The following LRP2 variants were observed in gnomAD, a reference collection of about 807,000 sequenced individuals.
LRP2 encodes the protein LDL receptor related protein 2.
A neutral mutation model predicts 531.0 loss-of-function variants in LRP2; 172 were observed. The ratio of observed to expected loss-of-function variants is 0.32; its 90% CI spans 0.29 to 0.37. LRP2 has a LOEUF of 0.37. Among genes scored for constraint, LRP2 ranks in the 10% least tolerant of loss-of-function variants. The probability of loss-of-function intolerance (pLI) is 1.00; values close to 1 mark genes in which losing one functional copy is unlikely to be tolerated. For synonymous variants in LRP2, 1,992 were observed against 2,027.6 expected, an observed-to-expected ratio of 0.98 and a Z score of 0.47; for missense variants, 5,167 against 5,868.3, an observed-to-expected ratio of 0.88 and a Z score of 3.90.
chr2:169,243,631 G>A, intron 22 of LRP2, 109 bp from the exon 23 acceptor site: 1 of 1,328,240 alleles, frequency 7.5e-7, no homozygotes, highest in Non-Finnish European at 1.1e-6. Context: ...ATTGTACATG[G>A]GTTCAAAATT....
At position 169,216,331 on chromosome 2, in the gene LRP2, C is replaced by G; in HGVS notation, c.5748G>C (p.Gly1916=). 6.2e-7 allele frequency: 1 copy of G among 1,613,644 alleles called. No homozygotes were observed. The highest frequency in any genetic ancestry group is 8.5e-7 in the Non-Finnish European group (1 of 1,179,692). The stretch of plus-strand genomic sequence containing the variant: ...TGACACACTCCAGGTGTTCGAGGTT[C>G]CCAGTAAAGAGAGTTTTCACAGATG... ...DGTSVKTLFT[G]NLEHLECVTL... Residue 1916 remains glycine (G), a synonymous_variant, in exon 35 of 79, where the codon GGG becomes GGC. Coordinates refer to ENST00000649046, the MANE Select transcript of LRP2 (RefSeq NM_004525.3).
chr2:169,295,102 CAT>C (rs1684103133), intron 4 of LRP2, among the ~76,000 whole-genome samples: 1 of 152,276 alleles, frequency 6.6e-6, no homozygotes, highest in Non-Finnish European at 1.5e-5. Flanking sequence ...ATACAGATAA[CAT>C]CCCAGGAAAC....
At chr2:169,323,850 G>C (rs984274568) in intron 1 of LRP2, among the ~76,000 whole-genome samples, 1 of 13,346 alleles carries the variant, frequency 7.5e-5, no homozygotes, top group African/African-American at 1.8e-4. Context: ...GGGGCTGCCT[G>C]ATTAAAAAAA....
chr2:169,138,509 G>A (rs1401707862), intron 75 of LRP2, 68 bp downstream of exon 75: 3 of 1,558,718 alleles, frequency 1.9e-6, no homozygotes, highest in Non-Finnish European at 2.6e-6. Flanking sequence ...GGTGAATTTT[G>A]TTCTTTATAA....
At chr2:169,330,593 A>T (rs1478839591) in intron 1 of LRP2, among the ~76,000 whole-genome samples, 1 of 152,210 alleles carries the variant, frequency 6.6e-6, no homozygotes, top group Non-Finnish European at 1.5e-5. Flanking sequence ...TCTTCAGAGG[A>T]CGCTATCGCC....
chr2:169,173,899 G>T lies in LRP2; in HGVS notation c.11014+20C>A, dbSNP rs746976141. The T allele has an allele frequency of 1.9e-6, 3 of 1,613,700 alleles. No individual in the cohort carries two copies. The highest frequency in any genetic ancestry group is 2.5e-6 in the Non-Finnish European group (3 of 1,180,016). ...GTCTCCCTGCTCTGGTCATGCCTTG[G>T]TCCTCCCACAGGAACTTACTGCATT... On this transcript the variant is annotated intron_variant, in intron 56 of 78. Coordinates refer to ENST00000649046, the MANE Select transcript of LRP2 (RefSeq NM_004525.3).
At chr2:169,316,241 G>GT (rs1684760464) in intron 3 of LRP2, among the ~76,000 whole-genome samples, 1 of 152,224 alleles carries the variant, frequency 6.6e-6, no homozygotes, top group Middle Eastern at 3.4e-3. Flanking sequence ...TTAGGCAGGA[G>GT]TTGGTGATTC....
intron 72 of LRP2, 46 bp downstream of exon 72, chr2:169,140,409 C>G (rs939953367): frequency 6.7e-7 from 1 of 1,495,578 alleles, no homozygotes; most frequent in Non-Finnish European, 9.3e-7. Context: ...CAAATTTCCC[C>G]AGAAGAGGCA....
At chr2:169,341,874 T>C (rs1376118991) in intron 1 of LRP2, among the ~76,000 whole-genome samples, 1 of 152,164 alleles carries the variant, frequency 6.6e-6, no homozygotes, top group African/African-American at 2.4e-5. Flanking sequence ...TTATTACCAA[T>C]AGCATCCCTT....
At chr2:169,134,935 G>A (rs186023115) in intron 76 of LRP2, among the ~76,000 whole-genome samples, 29 of 152,272 alleles carry the variant, frequency 1.9e-4, no homozygotes, top group African/African-American at 5.5e-4. Flanking sequence ...AGCAGCTAGC[G>A]TTCCAACTTC....
intron 1 of LRP2, among the ~76,000 whole-genome samples, chr2:169,321,428 A>AGAAAT (rs1408502169): frequency 5.3e-4 from 80 of 151,986 alleles, no homozygotes; most frequent in African/African-American, 1.9e-3. Context: ...AAAAACAAGG[A>AGAAAT]CGTAAATTTT....
At chr2:169,150,860 G>A (rs775461140) in intron 68 of LRP2, 38 bp downstream of exon 68, 1 of 1,612,388 alleles carries the variant, frequency 6.2e-7, no homozygotes, top group Non-Finnish European at 8.5e-7. Context: ...AATCCAGGGA[G>A]AAATATCTAG....
At chr2:169,263,826 G>A (rs1385968189) in intron 16 of LRP2, among the ~76,000 whole-genome samples, 1 of 151,960 alleles carries the variant, frequency 6.6e-6, no homozygotes. Context: ...ATTCACAATA[G>A]CAAAGACTTG....
rs749740810 is a variant in LRP2, at chr2:169,173,176, G to A, written c.11063C>T (p.Thr3688Ile). The change falls in exon 57 of 79, where the codon ACA becomes ATA. Residue 3688 changes from threonine (T) to isoleucine (I), a missense_variant. By Grantham distance (89) the Thr-to-Ile change is moderately conservative. Transcript: ENST00000649046. ...CDNFTEFSCK[T>I]NYRCIPKWAV... ...CCACTTTGGGATGCAGCGGTAATTT[G>A]TTTTGCAGCTGAATTCTGTGAAGTT... The A allele has an allele frequency of 1.1e-5, 18 of 1,614,040 alleles. No individual in the cohort carries two copies. The highest frequency in any genetic ancestry group is 1.4e-5 in the Non-Finnish European group (17 of 1,180,038).
chr2:169,241,351 C>A lies in LRP2; in HGVS notation c.3682G>T (p.Gly1228Cys). 6.2e-7 allele frequency: 1 copy of A among 1,614,086 alleles called. No individual in the cohort carries two copies. The highest frequency in any genetic ancestry group is 1.1e-5 in the South Asian group (1 of 91,080). The change falls in exon 25 of 79, where the codon GGT becomes TGT. Residue 1228 changes from glycine (G) to cysteine (C), a missense_variant. Around this residue, in one of 6 missense-constraint regions of LRP2, gnomAD observed 2,811 missense variants for 3,058.0 expected, o/e 0.92. Transcript: ENST00000649046. Reference sequence around the variant, plus strand: ...TGAAATTCATCTGAGTGGCACATACCAGGAGGCCTGGTTGCTAGAAGGAAA... The same window carrying A: ...TGAAATTCATCTGAGTGGCACATACAAGGAGGCCTGGTTGCTAGAAGGAAA... Reference protein sequence around the residue: ...DEAGCPTRPPGMCHSDEFQCQ... With the variant: ...DEAGCPTRPPCMCHSDEFQCQ...
intron 35 of LRP2, among the ~76,000 whole-genome samples, chr2:169,215,046 T>C (rs1688728350): frequency 7.1e-6 from 1 of 141,514 alleles, no homozygotes; most frequent in South Asian, 2.8e-4. Context: ...CCCTGTCAGA[T>C]GTGTGTACAG....
chr2:169,243,792 A>G lies in LRP2; in HGVS notation c.3431-270T>C, dbSNP rs529212583. 8.3e-4 allele frequency among the ~76,000 whole-genome samples: 126 copies of G among 152,328 alleles called. 1 individual carries two copies. In the South Asian group the frequency reaches 0.021, roughly 25 times the overall value. On this transcript the variant is annotated intron_variant, in intron 22 of 78. Coordinates refer to ENST00000649046, the MANE Select transcript of LRP2 (RefSeq NM_004525.3). ...AGACCACATTCAGAAAGTGAGCATCATGTGCTTGGACTTGGACTACATTTC... is the reference window on the plus strand; with the variant it reads ...AGACCACATTCAGAAAGTGAGCATCGTGTGCTTGGACTTGGACTACATTTC...
chr2:169,285,678 C>A lies in LRP2; in HGVS notation c.1043-2677G>T, dbSNP rs574164787. On this transcript the variant is annotated intron_variant, in intron 9 of 78. Coordinates refer to ENST00000649046, the MANE Select transcript of LRP2 (RefSeq NM_004525.3). ...GTGAAACCCCACCATGCTGAATGAC[C>A]TCCCTGCCCTCACTCTGCACCACGA... Among the ~76,000 whole-genome samples the A allele has an allele frequency of 1.9e-3, 287 of 152,242 alleles. 1 individual carries two copies. The Middle Eastern group carries it at 0.034, about 18-fold the overall frequency.
chr2:169,180,748 C>G (rs1341621836), intron 52 of LRP2, among the ~76,000 whole-genome samples: 1 of 152,212 alleles, frequency 6.6e-6, no homozygotes, highest in African/African-American at 2.4e-5. Context: ...CAGGCTGTTC[C>G]TGGATCGTTA....
Sources: allele counts gnomAD v4.1 joint callset (sites outside exome capture counted in the v4.1 genomes callset), GRCh38; gene constraint gnomAD v4.1.1; regional missense constraint gnomAD v4.1.1; transcripts MANE v1.5; gene names NCBI Gene and HGNC (gene_info 2026-07-23, HGNC 2026-07-21).